IMMP2L: variants seen among roughly 807,000 people sequenced by gnomAD.
IMMP2L encodes the protein inner mitochondrial membrane peptidase subunit 2, also known as mitochondrial inner membrane protease subunit 2.
In IMMP2L, 18 loss-of-function variants were observed where a neutral mutation model predicts 19.3. The ratio of observed to expected loss-of-function variants is 0.93; its 90% CI spans 0.64 to 1.38. The LOEUF is 1.38. IMMP2L is among the 40% of genes most tolerant of loss of function. IMMP2L has a pLI of 0.00. For synonymous variants in IMMP2L, 76 were observed against 73.0 expected (o/e 1.04, Z -0.21); for missense variants, 233 against 218.2 (o/e 1.07, Z -0.43).
intron 3 of IMMP2L, among the ~76,000 whole-genome samples, chr7:110,993,756 C>G (rs2129560007): frequency 6.6e-6 from 1 of 152,176 alleles, no homozygotes; most frequent in South Asian, 2.1e-4. Context: ...TCTCCCTGCT[C>G]CCCTACTGCC....
chr7:111,204,939 C>G (rs1810540128), intron 3 of IMMP2L, among the ~76,000 whole-genome samples: 1 of 152,166 alleles, frequency 6.6e-6, no homozygotes, highest in African/African-American at 2.4e-5. Flanking sequence ...CATACACTAT[C>G]TTAGTCCATT....
chr7:111,051,836 G>A (rs1266679399), intron 3 of IMMP2L, among the ~76,000 whole-genome samples: 1 of 152,144 alleles, frequency 6.6e-6, no homozygotes, highest in Non-Finnish European at 1.5e-5. Flanking sequence ...CAAGAACATT[G>A]GTGATACTGT....
intron 4 of IMMP2L, among the ~76,000 whole-genome samples, chr7:110,926,684 T>C (rs1024812440): frequency 6.6e-6 from 1 of 152,188 alleles, no homozygotes; most frequent in Non-Finnish European, 1.5e-5. Context: ...TAAAGGCTTT[T>C]GCAACTTGTA....
At chr7:110,920,946 T>G (rs2129550455) in intron 4 of IMMP2L, among the ~76,000 whole-genome samples, 1 of 152,336 alleles carries the variant, frequency 6.6e-6, no homozygotes, top group Admixed American at 6.5e-5. Flanking sequence ...TTTATTTAGA[T>G]TTCATCAGTT....
At chr7:111,164,099 G>C (rs372968953) in intron 3 of IMMP2L, among the ~76,000 whole-genome samples, 1 of 150,636 alleles carries the variant, frequency 6.6e-6, no homozygotes, top group Non-Finnish European at 1.5e-5. Flanking sequence ...AAGTAGGAGA[G>C]GGGGAGGGAG....
chr7:110,676,009 T>C (rs147579476), intron 5 of IMMP2L, among the ~76,000 whole-genome samples: 2 of 152,190 alleles, frequency 1.3e-5, no homozygotes. Flanking sequence ...ACCTGCAGTA[T>C]AGATATTACT....
chr7:110,886,046 G>A (rs1810187877), intron 5 of IMMP2L, among the ~76,000 whole-genome samples: 1 of 151,784 alleles, frequency 6.6e-6, no homozygotes, highest in Non-Finnish European at 1.5e-5. Flanking sequence ...GGGCTCCTGC[G>A]CCACCTAAAA....
chr7:111,395,630 T>C (rs1057388395), intron 3 of IMMP2L, among the ~76,000 whole-genome samples: 12 of 152,190 alleles, frequency 7.9e-5, no homozygotes, highest in Admixed American at 2.0e-4. Flanking sequence ...TGATAGTTTT[T>C]GCCTTTCGCC....
chr7:110,725,908 T>C (rs950553141), intron 5 of IMMP2L: 1 of 152,226 alleles, frequency 6.6e-6, no homozygotes, highest in Non-Finnish European at 1.5e-5. Context: ...ACTTGCTATA[T>C]ACCAAGCATT....
At chr7:111,058,229 C>A (rs143970246) in intron 3 of IMMP2L, among the ~76,000 whole-genome samples, 1 of 152,210 alleles carries the variant, frequency 6.6e-6, no homozygotes, top group Non-Finnish European at 1.5e-5. Context: ...TCATCCCACT[C>A]AAAGACAATC....
At chr7:111,359,936 T>C (rs1305298120) in intron 3 of IMMP2L, among the ~76,000 whole-genome samples, 1 of 152,088 alleles carries the variant, frequency 6.6e-6, no homozygotes, top group African/African-American at 2.4e-5. Flanking sequence ...AAATGTTCTC[T>C]TGGAGTACAG....
At chr7:110,671,509 T>C (rs1791919934) in intron 5 of IMMP2L, among the ~76,000 whole-genome samples, 1 of 152,188 alleles carries the variant, frequency 6.6e-6, no homozygotes, top group African/African-American at 2.4e-5. Flanking sequence ...GGGTTTGTTT[T>C]GCCCACACAA....
chr7:110,769,173 T>C (rs1242952870), intron 5 of IMMP2L, among the ~76,000 whole-genome samples: 2 of 152,218 alleles, frequency 1.3e-5, no homozygotes, highest in Admixed American at 1.3e-4. Flanking sequence ...TCTTGAATGC[T>C]AGTGCTCTTT....
At chr7:110,765,643 T>C (rs1390045168) in intron 5 of IMMP2L, among the ~76,000 whole-genome samples, 1 of 152,170 alleles carries the variant, frequency 6.6e-6, no homozygotes, top group East Asian at 1.9e-4. Flanking sequence ...ATTCACTCAT[T>C]TGAGAAATCT....
intron 3 of IMMP2L, among the ~76,000 whole-genome samples, chr7:111,372,581 A>G (rs1431495713): frequency 1.3e-5 from 2 of 152,014 alleles, no homozygotes; most frequent in African/African-American, 2.4e-5. Flanking sequence ...CATTCAAATG[A>G]TCACTTGACT....
At chr7:110,859,216 T>C (rs1807126033) in intron 5 of IMMP2L, among the ~76,000 whole-genome samples, 1 of 152,106 alleles carries the variant, frequency 6.6e-6, no homozygotes, top group African/African-American at 2.4e-5. Context: ...CCAATGTTTT[T>C]ATGAAGCTTT....
chr7:111,421,724 A>C (rs1389571830), intron 3 of IMMP2L, among the ~76,000 whole-genome samples: 1 of 151,666 alleles, frequency 6.6e-6, no homozygotes, highest in African/African-American at 2.4e-5. Context: ...CTTTAGTTTA[A>C]TTAGATCCCA....
intron 3 of IMMP2L, among the ~76,000 whole-genome samples, chr7:111,070,820 A>G (rs1226030146): frequency 6.6e-6 from 1 of 152,206 alleles, no homozygotes; most frequent in Non-Finnish European, 1.5e-5. Flanking sequence ...ATAAGTAGAC[A>G]CATCTTCAAG....
chr7:111,120,862 C>A (rs141360516), intron 3 of IMMP2L, among the ~76,000 whole-genome samples: 4 of 151,930 alleles, frequency 2.6e-5, no homozygotes, highest in African/African-American at 9.7e-5. Context: ...CCTGTTGAAT[C>A]GCAATCTAAC....
Sources: allele counts gnomAD v4.1 joint callset (sites outside exome capture counted in the v4.1 genomes callset), GRCh38; gene constraint gnomAD v4.1.1; transcripts MANE v1.5; gene names NCBI Gene and HGNC (gene_info 2026-07-23, HGNC 2026-07-21).